CRTC3: variants seen among roughly 807,000 people sequenced by gnomAD.
The protein encoded by CRTC3 is CREB-regulated transcription coactivator 3.
A neutral mutation model predicts 74.5 loss-of-function variants in CRTC3; 26 were observed. The ratio of observed to expected loss-of-function variants is 0.35; its 90% CI spans 0.26 to 0.48. The LOEUF is 0.48. CRTC3 is among the 20% of genes least tolerant of loss of function. The pLI is 0.99. For synonymous variants in CRTC3, 377 were observed against 325.8 expected, an observed-to-expected ratio of 1.16 and a Z score of -1.69; for missense variants, 760 against 787.3, an observed-to-expected ratio of 0.97 and a Z score of 0.41.
chr15:90,540,294 C>T (rs1168051641), intron 2 of CRTC3, among the ~76,000 whole-genome samples, 157 bp downstream of exon 2: 3 of 152,210 alleles, frequency 2.0e-5, no homozygotes, highest in Non-Finnish European at 1.5e-5. Context: ...ATAGTTTCTA[C>T]AGCATACGAT....
intron 2 of CRTC3, among the ~76,000 whole-genome samples, chr15:90,550,253 A>AC (rs764751714): frequency 8.2e-4 from 124 of 150,564 alleles, no homozygotes; most frequent in Non-Finnish European, 1.5e-3. Flanking sequence ...ACATGGAGAA[A>AC]CCCCGTCTCT....
chr15:90,612,206 G>A (rs955871219), intron 6 of CRTC3, among the ~76,000 whole-genome samples: 3 of 151,934 alleles, frequency 2.0e-5, no homozygotes, highest in Non-Finnish European at 4.4e-5. Context: ...GAAGACACAC[G>A]GGCCAGAGTT....
chr15:90,633,596 C>T (rs1969121752), intron 11 of CRTC3, among the ~76,000 whole-genome samples: 1 of 152,144 alleles, frequency 6.6e-6, no homozygotes, highest in African/African-American at 2.4e-5. Context: ...TGTGGCTTGG[C>T]GTGAGTCTGC....
At chr15:90,560,213 T>C (rs1966982017) in intron 2 of CRTC3, among the ~76,000 whole-genome samples, 2 of 152,276 alleles carry the variant, frequency 1.3e-5, no homozygotes, top group African/African-American at 4.8e-5. Context: ...CAGCTAGTAT[T>C]TGTTGAGGGC....
intron 13 of CRTC3, among the ~76,000 whole-genome samples, chr15:90,639,745 C>T (rs1969372410): frequency 6.7e-6 from 1 of 149,250 alleles, no homozygotes; most frequent in South Asian, 2.1e-4. Flanking sequence ...CCACTGTGCC[C>T]AGCCAAGAAC....
At chr15:90,614,909 C>G (rs913459226) in intron 7 of CRTC3, among the ~76,000 whole-genome samples, 1 of 151,874 alleles carries the variant, frequency 6.6e-6, no homozygotes, top group South Asian at 2.1e-4. Flanking sequence ...ACTAAAAATA[C>G]AAAAATTAGC....
chr15:90,561,195 G>A (rs1031275785), intron 2 of CRTC3, among the ~76,000 whole-genome samples: 1 of 152,162 alleles, frequency 6.6e-6, no homozygotes, highest in Non-Finnish European at 1.5e-5. Flanking sequence ...ATAATGCCCA[G>A]CACAGTTGTT....
chr15:90,557,973 A>G (rs1966930222), intron 2 of CRTC3, among the ~76,000 whole-genome samples: 1 of 152,020 alleles, frequency 6.6e-6, no homozygotes, highest in South Asian at 2.1e-4. Context: ...CCTGATGTCA[A>G]CCACCCCACT....
chr15:90,547,853 T>C (rs1418726533), intron 2 of CRTC3, among the ~76,000 whole-genome samples: 1 of 151,550 alleles, frequency 6.6e-6, no homozygotes, highest in Admixed American at 6.6e-5. Flanking sequence ...TCTCTCTGTA[T>C]AGGGCTTTGT....
chr15:90,558,826 A>G (rs1373409247), intron 2 of CRTC3, among the ~76,000 whole-genome samples: 1 of 151,546 alleles, frequency 6.6e-6, no homozygotes, highest in Non-Finnish European at 1.5e-5. Flanking sequence ...ATCTCGGCTC[A>G]CTGCAACCTC....
At chr15:90,603,558 T>C (rs1968140778) in intron 4 of CRTC3, among the ~76,000 whole-genome samples, 1 of 152,332 alleles carries the variant, frequency 6.6e-6, no homozygotes, top group South Asian at 2.1e-4. Context: ...TTAAGGTCTC[T>C]TTGAGTATTT....
intron 2 of CRTC3, among the ~76,000 whole-genome samples, chr15:90,581,472 G>T (rs1178714105): frequency 6.6e-6 from 1 of 152,016 alleles, no homozygotes; most frequent in East Asian, 1.9e-4. Flanking sequence ...TATCAACAGT[G>T]TGAAAAAAAG....
chr15:90,606,190 A>G (rs1230086184), intron 5 of CRTC3, among the ~76,000 whole-genome samples: 2 of 152,176 alleles, frequency 1.3e-5, no homozygotes, highest in Non-Finnish European at 2.9e-5. Flanking sequence ...CGGGAGGCAG[A>G]GGTTGCAGTG....
intron 8 of CRTC3, chr15:90,618,275 G>T (rs1333941412): frequency 5.4e-6 from 1 of 183,994 alleles, no homozygotes. Flanking sequence ...CTGAAACCTG[G>T]TTGTAAGTCA....
At chr15:90,545,575 TG>T (rs1966842781) in intron 2 of CRTC3, among the ~76,000 whole-genome samples, 1 of 149,240 alleles carries the variant, frequency 6.7e-6, no homozygotes, top group African/African-American at 2.5e-5. Flanking sequence ...AATTTTTGTT[TG>T]TTTTTTTTTT....
chr15:90,601,385 C>T (rs1017809243), intron 3 of CRTC3, among the ~76,000 whole-genome samples: 3 of 152,126 alleles, frequency 2.0e-5, no homozygotes, highest in African/African-American at 7.2e-5. Context: ...CGCAGTGGCT[C>T]ACACCTCTAA....
Position 90,641,991 on chromosome 15 carries a change from G to T in CRTC3, c.1711G>T (p.Val571Phe). 2 of 1,613,856 alleles carry T rather than the reference G, an allele frequency of 1.2e-6. No homozygotes were observed. Among genetic ancestry groups the T allele is most frequent in the Non-Finnish European group, 1.7e-6 (2 of 1,179,990 alleles). ...CAGTGCGCTGGCAGGCCTGCCTGAG[G>T]TCAGCCTGAACGTGGACACTCCATT... ...LNSALAGLPEVSLNVDTPFPL... is the reference protein window; with the variant it reads ...LNSALAGLPEFSLNVDTPFPL... The change falls in exon 15 of 15, where the codon GTC becomes TTC. Residue 571 changes from valine to phenylalanine, a missense_variant. Coordinates refer to ENST00000268184, the MANE Select transcript of CRTC3 (RefSeq NM_022769.5).
At chr15:90,545,235 A>G (rs1462750314) in intron 2 of CRTC3, among the ~76,000 whole-genome samples, 1 of 152,054 alleles carries the variant, frequency 6.6e-6, no homozygotes, top group Admixed American at 6.6e-5. Context: ...ATTTTGTTCC[A>G]TTCATCCGCT....
rs138066210 is a variant in CRTC3, at chr15:90,545,839, A to C, written c.231+5702A>C. ...GTGATCCGCCCGCCTTGGCCTCCCA[A>C]AGTGCTGGGATTACAGGCGTGAGCC... On this transcript the variant is annotated intron_variant, in intron 2 of 14. Transcript: ENST00000268184. Among the ~76,000 whole-genome samples the C allele has an allele frequency of 9.9e-4, 150 of 152,184 alleles. 1 individual carries two copies. Among genetic ancestry groups the C allele is most frequent in the African/African-American group, 3.2e-3 (131 of 41,516 alleles).
Sources: gnomAD v4.1 joint callset for allele counts (sites outside exome capture counted in the v4.1 genomes callset) on GRCh38, gnomAD v4.1.1 for gene constraint, MANE v1.5 for transcripts, NCBI Gene and HGNC (gene_info 2026-07-23, HGNC 2026-07-21) for gene names.